HLCS: variants seen among roughly 807,000 people sequenced by gnomAD.
The protein encoded by HLCS is holocarboxylase synthetase, also known as biotin--protein ligase.
HLCS carries 53 observed loss-of-function variants against 75.0 expected under a neutral mutation model. That is an observed-to-expected ratio of 0.71 (90% CI 0.57 to 0.89). The LOEUF is 0.89. Ranked by LOEUF, HLCS falls within the 40% of genes least tolerant of loss-of-function variation. The probability of loss-of-function intolerance (pLI) is 0.00; values close to 1 mark genes in which losing one functional copy is unlikely to be tolerated. For synonymous variants in HLCS, 431 were observed against 428.6 expected, an observed-to-expected ratio of 1.01 and a Z score of -0.07; for missense variants, 966 against 1,074.0, an observed-to-expected ratio of 0.90 and a Z score of 1.41.
chr21:36,758,213 T>C (rs2145738123), intron 9 of HLCS, among the ~76,000 whole-genome samples: 1 of 152,118 alleles, frequency 6.6e-6, no homozygotes, highest in South Asian at 2.1e-4. Context: ...CTCAGGTGAT[T>C]TTCCCATCTC....
chr21:36,929,336 GAGA>G (rs1483481213), intron 5 of HLCS, among the ~76,000 whole-genome samples: 2 of 152,258 alleles, frequency 1.3e-5, no homozygotes, highest in Non-Finnish European at 2.9e-5. Context: ...AAAGGCGACA[GAGA>G]AGGTCTAGGG....
At chr21:36,942,740 T>G (rs753988956) in intron 2 of HLCS, among the ~76,000 whole-genome samples, 11 of 151,522 alleles carry the variant, frequency 7.3e-5, no homozygotes, top group Non-Finnish European at 1.5e-4. Flanking sequence ...CTCCTACAAC[T>G]CAACAATAAA....
intron 7 of HLCS, among the ~76,000 whole-genome samples, chr21:36,766,122 C>G (rs2145772374): frequency 6.6e-6 from 1 of 152,284 alleles, no homozygotes; most frequent in South Asian, 2.1e-4. Context: ...TCACTGGGCT[C>G]AAGTGATGCT....
intron 6 of HLCS, among the ~76,000 whole-genome samples, chr21:36,881,696 G>T (rs2064222987): frequency 6.6e-6 from 1 of 152,176 alleles, no homozygotes; most frequent in Admixed American, 6.5e-5. Flanking sequence ...GAAAAGAAAA[G>T]AACTGTCCTC....
At position 36,936,896 on chromosome 21, in the gene HLCS, C is replaced by T. The variant is rs771741236; in HGVS notation, c.990G>A (p.Arg330=). The T allele has an allele frequency of 1.2e-6, 2 of 1,614,188 alleles. No homozygotes were observed. Among genetic ancestry groups the T allele is most frequent in the Non-Finnish European group, 1.7e-6 (2 of 1,180,044 alleles). The change falls in exon 4 of 11, where the codon CGG becomes CGA. Residue 330 remains arginine, a synonymous_variant. Transcript: ENST00000674895. ...QEALGRFHEV[R]SVLADCVDID... ...TGTCCACACAGTCGGCCAGCACAGA[C>T]CGGACCTCGTGGAACCGGCCGAGGG...
At chr21:36,823,199 G>C (rs943677930) in intron 6 of HLCS, among the ~76,000 whole-genome samples, 1 of 152,116 alleles carries the variant, frequency 6.6e-6, no homozygotes, top group South Asian at 2.1e-4. Flanking sequence ...TACATTTCCT[G>C]CTTATTTGGA....
At chr21:36,981,205 G>C (rs949670378) in intron 1 of HLCS, among the ~76,000 whole-genome samples, 2 of 152,266 alleles carry the variant, frequency 1.3e-5, no homozygotes, top group African/African-American at 4.8e-5. Context: ...GTTGGCTTAA[G>C]GTTTTGCTGA....
At chr21:36,930,490 A>T in intron 4 of HLCS, 57 bp from the exon 5 acceptor site, 1 of 1,389,752 alleles carries the variant, frequency 7.2e-7, no homozygotes, top group Non-Finnish European at 1.0e-6. Context: ...AATGAGAAAA[A>T]CAGTTTCTTT....
intron 6 of HLCS, among the ~76,000 whole-genome samples, chr21:36,810,728 C>T (rs1005482512): frequency 2.6e-5 from 4 of 152,158 alleles, no homozygotes; most frequent in African/African-American, 9.7e-5. Flanking sequence ...TATCTAAATA[C>T]CATTCCCCAC....
At chr21:36,841,668 G>A (rs73902751) in intron 6 of HLCS, among the ~76,000 whole-genome samples, 6,144 of 152,244 alleles carry the variant, frequency 0.04, 198 homozygotes, top group African/African-American at 0.089. Flanking sequence ...TGTAAAATGG[G>A]GATAATGCAA....
intron 6 of HLCS, among the ~76,000 whole-genome samples, chr21:36,800,457 A>G (rs931062922): frequency 2.2e-4 from 34 of 152,318 alleles, no homozygotes; most frequent in African/African-American, 7.2e-4. Flanking sequence ...AACAGTCACA[A>G]GGAAAGCTGA....
chr21:36,892,544 T>C (rs557057538), intron 6 of HLCS, among the ~76,000 whole-genome samples: 21 of 152,330 alleles, frequency 1.4e-4, no homozygotes, highest in Admixed American at 5.9e-4. Context: ...CCAGAGATCC[T>C]GAATCTGATC....
chr21:36,832,280 GA>G (rs1302567076), intron 6 of HLCS, among the ~76,000 whole-genome samples: 2 of 152,140 alleles, frequency 1.3e-5, no homozygotes, highest in Non-Finnish European at 2.9e-5. Context: ...AGGATGGAAA[GA>G]AAAGGAAGAC....
chr21:36,901,433 G>C (rs1488034425), intron 5 of HLCS, among the ~76,000 whole-genome samples: 1 of 152,220 alleles, frequency 6.6e-6, no homozygotes, highest in Non-Finnish European at 1.5e-5. Flanking sequence ...TAGTTAAAAA[G>C]AGGATGCAAA....
At chr21:36,856,937 C>T (rs958876798) in intron 6 of HLCS, among the ~76,000 whole-genome samples, 3 of 152,168 alleles carry the variant, frequency 2.0e-5, no homozygotes, top group Admixed American at 6.5e-5. Context: ...ACTTTGATTA[C>T]CTTAAATTAG....
Position 36,983,298 on chromosome 21 carries a change from C to T in HLCS, c.-393+6860G>A, listed in dbSNP as rs146577310. 7.4e-3 allele frequency among the ~76,000 whole-genome samples: 1,132 copies of T among 151,948 alleles called. 14 individuals carry two copies. Among genetic ancestry groups the T allele is most frequent in the South Asian group, 0.041 (196 of 4,802 alleles). On this transcript the variant is annotated intron_variant, in intron 1 of 11. Transcript: ENST00000336648. ...CGATCTTGGCTCACTGCAACCCCCG[C>T]CTCCTGGGTTCAAGTGATTCTCCTG...
intron 6 of HLCS, among the ~76,000 whole-genome samples, chr21:36,800,390 A>G (rs542228970): frequency 6.6e-6 from 1 of 152,342 alleles, no homozygotes; most frequent in East Asian, 1.9e-4. Flanking sequence ...GAGAAAACAG[A>G]GACTCTGTGA....
At chr21:36,832,228 G>A (rs907219926) in intron 6 of HLCS, among the ~76,000 whole-genome samples, 1 of 152,106 alleles carries the variant, frequency 6.6e-6, no homozygotes, top group African/African-American at 2.4e-5. Context: ...ATAACCTAAC[G>A]AAAGGGCAAA....
At chr21:36,967,019 G>A (rs1360144583), upstream of HLCS, among the ~76,000 whole-genome samples, 1 of 152,008 alleles carries the variant, frequency 6.6e-6, no homozygotes, top group Non-Finnish European at 1.5e-5. Context: ...GGAGTGGGAT[G>A]GGTATGTTGT....
Sources: gnomAD v4.1 joint callset for allele counts (sites outside exome capture counted in the v4.1 genomes callset) on GRCh38, gnomAD v4.1.1 for gene constraint, MANE v1.5 for transcripts, NCBI Gene and HGNC (gene_info 2026-07-23, HGNC 2026-07-21) for gene names.